Variants in GAPVD1 observed in about 807,000 individuals in gnomAD.
The protein encoded by GAPVD1 is GTPase-activating protein and VPS9 domain-containing protein 1.
A neutral mutation model predicts 155.5 loss-of-function variants in GAPVD1; 35 were observed. That is an observed-to-expected ratio of 0.23 (90% CI 0.17 to 0.30). The LOEUF (loss-of-function observed/expected upper bound fraction) is 0.30, where lower values mean the gene tolerates loss of function less well. GAPVD1 is among the 10% of genes least tolerant of loss of function. The probability of loss-of-function intolerance (pLI) is 1.00; values close to 1 mark genes in which losing one functional copy is unlikely to be tolerated. For synonymous variants in GAPVD1, 636 were observed against 619.7 expected (o/e 1.03, Z -0.39); for missense variants, 1,429 against 1,775.7 (o/e 0.80, Z 3.51).
chr9:125,349,724 C>T lies in GAPVD1; in HGVS notation c.3299+205C>T, dbSNP rs141319929. ...TCAAGGATTTAAAAAACTCGCTGGG[C>T]GTGGTGGCTCACGCCTGTAATCCCA... On this transcript the variant is annotated intron_variant, in intron 21 of 27. Coordinates refer to ENST00000297933, the MANE Select transcript of GAPVD1 (RefSeq NM_001282680.3). 8.1e-3 allele frequency among the ~76,000 whole-genome samples: 1,228 copies of T among 152,074 alleles called. 60 individuals carry two copies. The highest frequency in any genetic ancestry group is 0.066 in the Admixed American group (1,007 of 15,270).
chr9:125,318,247 A>T (rs1394670552), intron 9 of GAPVD1, among the ~76,000 whole-genome samples: 1 of 152,210 alleles, frequency 6.6e-6, no homozygotes, highest in Admixed American at 6.5e-5. Context: ...TCAGCCTCCC[A>T]AAGTGTTGGG....
At chr9:125,274,973 T>G (rs1317338420) in intron 2 of GAPVD1, among the ~76,000 whole-genome samples, 2 of 152,190 alleles carry the variant, frequency 1.3e-5, no homozygotes, top group African/African-American at 2.4e-5. Context: ...CTCCGGGATC[T>G]TAGGCATATT....
chr9:125,360,600 C>A lies in GAPVD1; in HGVS notation c.4117C>A (p.Arg1373=), dbSNP rs978693975. ...GACAATAAGTGCTTATAAAACCCCC[C>A]GGGACAAAGTGCAGTGCATCCTGAG... ...IRTISAYKTP[R]DKVQCILRMC... Residue 1373 remains arginine (R), a synonymous_variant, in exon 27 of 28, where the codon CGG becomes AGG. Coordinates refer to ENST00000297933, the MANE Select transcript of GAPVD1 (RefSeq NM_001282680.3). 6.2e-7 allele frequency: 1 copy of A among 1,613,630 alleles called. No individual in the cohort carries two copies. Among genetic ancestry groups the A allele is most frequent in the African/African-American group, 1.3e-5 (1 of 74,876 alleles).
chr9:125,366,449 G>A lies in GAPVD1; in HGVS notation c.*3703G>A, dbSNP rs1234220009. ...ATTACTGGATTGCATAAAAGTGATAGAAGTGTAGTGGGGTTCACTTCCTCA... is the reference window on the plus strand; with the variant it reads ...ATTACTGGATTGCATAAAAGTGATAAAAGTGTAGTGGGGTTCACTTCCTCA... On this transcript the variant is annotated 3_prime_UTR_variant, in exon 28 of 28. Transcript: ENST00000297933. The A allele has an allele frequency of 6.6e-6, 1 of 152,194 alleles. No homozygotes were observed. The highest frequency in any genetic ancestry group is 2.4e-5 in the African/African-American group (1 of 41,446). 9.4% of individuals were successfully genotyped at this position (152,194 alleles called of 1,614,324 possible).
At chr9:125,308,594 T>G (rs1842212778) in intron 8 of GAPVD1, 1 of 152,198 alleles carries the variant, frequency 6.6e-6, no homozygotes, top group African/African-American at 2.4e-5. Context: ...CCTTATTTGC[T>G]TGGTTAACAT....
chr9:125,278,038 C>G (rs1836093699), intron 2 of GAPVD1, among the ~76,000 whole-genome samples: 1 of 152,062 alleles, frequency 6.6e-6, no homozygotes, highest in African/African-American at 2.4e-5. Flanking sequence ...ATTTTTAGAT[C>G]ATGTAATTTC....
At chr9:125,303,357 G>A (rs1841233620) in intron 5 of GAPVD1, among the ~76,000 whole-genome samples, 1 of 151,732 alleles carries the variant, frequency 6.6e-6, no homozygotes, top group African/African-American at 2.4e-5. Context: ...CAAGCTGGGT[G>A]TGGTGGCTCT....
intron 12 of GAPVD1, 51 bp downstream of exon 12, chr9:125,326,640 C>T: frequency 7.5e-7 from 1 of 1,334,536 alleles, no homozygotes; most frequent in East Asian, 2.3e-5. Flanking sequence ...TATTCAAATC[C>T]ACCAACCTTT....
intron 9 of GAPVD1, among the ~76,000 whole-genome samples, chr9:125,317,642 A>G (rs1843654989): frequency 6.7e-6 from 1 of 148,274 alleles, no homozygotes; most frequent in Non-Finnish European, 1.5e-5. Context: ...AAAAAAAAAA[A>G]GAAAAGAAAG....
At chr9:125,314,798 T>G (rs1233953786) in intron 9 of GAPVD1, among the ~76,000 whole-genome samples, 1 of 150,602 alleles carries the variant, frequency 6.6e-6, no homozygotes, top group Non-Finnish European at 1.5e-5. Flanking sequence ...TCTTTTTTTT[T>G]TTTTTTTGAG....
At chr9:125,361,184 C>G (rs891104446) in intron 27 of GAPVD1, among the ~76,000 whole-genome samples, 13 of 152,022 alleles carry the variant, frequency 8.6e-5, no homozygotes, top group African/African-American at 3.1e-4. Flanking sequence ...TTGTTCTTAC[C>G]TTAGGATTTT....
intron 20 of GAPVD1, among the ~76,000 whole-genome samples, chr9:125,347,789 T>C (rs1471979867): frequency 6.6e-6 from 1 of 151,522 alleles, no homozygotes; most frequent in African/African-American, 2.4e-5. Flanking sequence ...GCACGTAGAG[T>C]ATCTCCTGGA....
chr9:125,302,364 G>T lies in GAPVD1; in HGVS notation c.567G>T (p.Leu189=). ...SILFKLFSEG[L]FSAKLFLTAT... is the part of the protein sequence containing the mutation. ...TATTTAAACTTTTTTCTGAAGGACT[G>T]TTTTCTGCCAAACTTTTCCTCACAG... Residue 189 remains leucine (L), a synonymous_variant, in exon 5 of 28, where the codon CTG becomes CTT. Coordinates refer to ENST00000297933, the MANE Select transcript of GAPVD1 (RefSeq NM_001282680.3). The T allele has an allele frequency of 1.2e-6, 2 of 1,614,106 alleles. No homozygotes were observed. Among genetic ancestry groups the T allele is most frequent in the Non-Finnish European group, 1.7e-6 (2 of 1,180,000 alleles).
intron 2 of GAPVD1, among the ~76,000 whole-genome samples, chr9:125,269,729 T>C (rs1234327941): frequency 2.1e-5 from 3 of 141,972 alleles, no homozygotes; most frequent in African/African-American, 7.8e-5. Context: ...TTTTTTTTTT[T>C]TTTTTGGAGG....
At chr9:125,307,032 G>A (rs896117829) in intron 6 of GAPVD1, among the ~76,000 whole-genome samples, 11 of 151,964 alleles carry the variant, frequency 7.2e-5, no homozygotes, top group Admixed American at 6.6e-5. Flanking sequence ...TTGGGAGGCC[G>A]AGGCGGGTGG....
chr9:125,349,942 T>C (rs147686769), intron 21 of GAPVD1, among the ~76,000 whole-genome samples: 9 of 152,212 alleles, frequency 5.9e-5, no homozygotes, highest in African/African-American at 2.2e-4. Context: ...CAGAAGGCAT[T>C]CCAAATCTGG....
At chr9:125,309,359 A>T (rs1211160305) in intron 8 of GAPVD1, 1 of 151,098 alleles carries the variant, frequency 6.6e-6, no homozygotes, top group Non-Finnish European at 1.5e-5. Context: ...TTTGAGATGG[A>T]GTCCCCCTCT....
chr9:125,344,797 T>C (rs1351741359), intron 19 of GAPVD1, among the ~76,000 whole-genome samples: 1 of 150,930 alleles, frequency 6.6e-6, no homozygotes, highest in Non-Finnish European at 1.5e-5. Flanking sequence ...GAGCAAGACC[T>C]TGTTTCTATT....
intron 2 of GAPVD1, among the ~76,000 whole-genome samples, chr9:125,281,537 T>G (rs1196815602): frequency 6.6e-6 from 1 of 152,200 alleles, no homozygotes; most frequent in Non-Finnish European, 1.5e-5. Flanking sequence ...CTTCATATTA[T>G]TAACATCTTA....
Sources: gnomAD v4.1 joint callset for allele counts (sites outside exome capture counted in the v4.1 genomes callset) on GRCh38, gnomAD v4.1.1 for gene constraint, MANE v1.5 for transcripts, NCBI Gene and HGNC (gene_info 2026-07-23, HGNC 2026-07-21) for gene names.